CNBD2: variants seen among roughly 807,000 people sequenced by gnomAD.
CNBD2 encodes cyclic nucleotide binding domain containing 2.
CNBD2 carries 64 observed loss-of-function variants against 63.7 expected under a neutral mutation model. The observed-to-expected ratio is 1.00, with a 90% CI of 0.82 to 1.24. The LOEUF (loss-of-function observed/expected upper bound fraction) is 1.24. Ranked by LOEUF, CNBD2 falls within the 50% of genes most tolerant of loss-of-function variation. The pLI, the probability that CNBD2 is intolerant of heterozygous loss-of-function variation, is 0.00. For synonymous variants in CNBD2, 229 were observed against 255.4 expected (o/e 0.90, Z 0.99); for missense variants, 691 against 713.5 (o/e 0.97, Z 0.36).
At chr20:36,000,685 A>G (rs1412672174) in intron 8 of CNBD2, among the ~76,000 whole-genome samples, 1 of 150,028 alleles carries the variant, frequency 6.7e-6, no homozygotes, top group Non-Finnish European at 1.5e-5. Flanking sequence ...CAGCCTCACG[A>G]GTAGCTGGGA....
chr20:35,972,953 G>T (rs988440748), intron 2 of CNBD2, 187 bp downstream of exon 2: 2 of 624,164 alleles, frequency 3.2e-6, no homozygotes, highest in Non-Finnish European at 2.8e-6. Context: ...CAACCAAGAG[G>T]TTTACCTAAT....
chr20:36,011,503 G>T (rs2057061315), intron 10 of CNBD2, among the ~76,000 whole-genome samples: 1 of 152,064 alleles, frequency 6.6e-6, no homozygotes, highest in South Asian at 2.1e-4. Context: ...TGACCAACAT[G>T]GTGAAACCCT....
intron 2 of CNBD2, among the ~76,000 whole-genome samples, chr20:35,975,709 C>T (rs2147216759): frequency 6.6e-6 from 1 of 152,236 alleles, no homozygotes; most frequent in Non-Finnish European, 1.5e-5. Flanking sequence ...ATCCTCCTTT[C>T]CTTCTCCCCA....
intron 7 of CNBD2, among the ~76,000 whole-genome samples, chr20:35,991,642 T>C (rs1012039424): frequency 3.3e-5 from 5 of 152,204 alleles, no homozygotes; most frequent in Admixed American, 3.3e-4. Flanking sequence ...CAATATTTTC[T>C]TTAATCAGCA....
rs183979214 is a variant in CNBD2, at chr20:35,981,481, G to A, written c.407+859G>A. 4.3e-4 allele frequency among the ~76,000 whole-genome samples: 65 copies of A among 152,146 alleles called. 1 individual carries two copies. Among genetic ancestry groups the A allele is most frequent in the African/African-American group, 1.3e-3 (53 of 41,500 alleles). On this transcript the variant is annotated intron_variant, in intron 4 of 11. Transcript: ENST00000373973. ...AGATGGGTCTCGTCCTGTCAACCAG[G>A]CTGGAGTGCAGTGGTGTGATCACAG... is the stretch of plus-strand genomic sequence containing the variant.
chr20:36,005,251 G>A (rs1298594376), intron 8 of CNBD2, among the ~76,000 whole-genome samples: 2 of 152,130 alleles, frequency 1.3e-5, no homozygotes, highest in East Asian at 1.9e-4. Flanking sequence ...AGGTGGTAAC[G>A]CTTTTGGAAT....
chr20:36,029,130 C>T (rs1229300595), intron 11 of CNBD2, among the ~76,000 whole-genome samples: 1 of 152,082 alleles, frequency 6.6e-6, no homozygotes, highest in African/African-American at 2.4e-5. Flanking sequence ...CAGGAAGTGA[C>T]ATGGAGTCTT....
At position 36,012,301 on chromosome 20, in the gene CNBD2, C is replaced by CA. The variant is rs57982520; in HGVS notation, c.1269+1055dup. 1.9e-3 allele frequency among the ~76,000 whole-genome samples: 248 copies of CA among 129,104 alleles called. 3 individuals are homozygous for CA. The highest frequency in any genetic ancestry group is 3.4e-3 in the East Asian group (15 of 4,400). The allele number at this position is 129,104 out of a possible 152,430, so 84.7% of individuals were successfully genotyped here. On this transcript the variant is annotated intron_variant, in intron 10 of 11. Coordinates refer to ENST00000373973, the MANE Select transcript of CNBD2 (RefSeq NM_001365709.1). ...GGGGACAAGAGTGAAACTCCGTCTCCAAAAAAAAAAACCAAAACCCAAACC... is the reference window on the plus strand; with the variant it reads ...GGGGACAAGAGTGAAACTCCGTCTCCAAAAAAAAAAAACCAAAACCCAAACC...
chr20:36,009,424 G>C (rs529155624), intron 9 of CNBD2, among the ~76,000 whole-genome samples: 1 of 151,608 alleles, frequency 6.6e-6, no homozygotes, highest in Non-Finnish European at 1.5e-5. Context: ...GGATGGTCTC[G>C]GTCTCCTGAC....
chr20:35,991,170 T>C (rs1368418702), intron 7 of CNBD2, among the ~76,000 whole-genome samples: 1 of 152,194 alleles, frequency 6.6e-6, no homozygotes, highest in African/African-American at 2.4e-5. Flanking sequence ...CCAATCATGT[T>C]TGAGTTGCAA....
chr20:36,009,899 C>CTA (rs1488359136), intron 9 of CNBD2, among the ~76,000 whole-genome samples: 1 of 152,166 alleles, frequency 6.6e-6, no homozygotes. Context: ...TGTAACAACT[C>CTA]TACGAGTACT....
At chr20:35,969,710 C>G (rs1568848000) in intron 1 of CNBD2, among the ~76,000 whole-genome samples, 1 of 152,104 alleles carries the variant, frequency 6.6e-6, no homozygotes, top group Non-Finnish European at 1.5e-5. Context: ...CCCTTCGATC[C>G]CTACTAATGA....
intron 8 of CNBD2, among the ~76,000 whole-genome samples, chr20:36,002,301 G>T (rs1049515353): frequency 4.6e-5 from 7 of 152,258 alleles, no homozygotes; most frequent in Non-Finnish European, 7.3e-5. Context: ...GCAGGCTGAG[G>T]CAGGAGAATC....
intron 7 of CNBD2, among the ~76,000 whole-genome samples, chr20:35,994,056 T>G: frequency 6.6e-6 from 1 of 151,514 alleles, no homozygotes; most frequent in Non-Finnish European, 1.5e-5. Context: ...ATTTTGTTTT[T>G]TTTTGTTTGT....
downstream of CNBD2, chr20:35,959,598 A>G (rs1436306671): frequency 6.6e-6 from 1 of 152,200 alleles, no homozygotes; most frequent in Non-Finnish European, 1.5e-5. Flanking sequence ...TACCCCCATG[A>G]TTGAATTATC....
chr20:35,981,436 TTTA>T (rs1321481022), intron 4 of CNBD2, among the ~76,000 whole-genome samples: 1 of 152,038 alleles, frequency 6.6e-6, no homozygotes, highest in African/African-American at 2.4e-5. Flanking sequence ...CTTTATTCTT[TTTA>T]TTATTATTAT....
chr20:36,021,641 A>G (rs2057209697), intron 10 of CNBD2, among the ~76,000 whole-genome samples: 1 of 152,040 alleles, frequency 6.6e-6, no homozygotes. Context: ...TGGGGCCACT[A>G]ACCGTTCCTG....
At chr20:35,967,579 G>A (rs2056356981), upstream of CNBD2, among the ~76,000 whole-genome samples, 1 of 150,322 alleles carries the variant, frequency 6.7e-6, no homozygotes, top group African/African-American at 2.4e-5. Flanking sequence ...CTGGCCAGGA[G>A]TGGTGGTTTA....
chr20:35,995,142 C>A lies in CNBD2; in HGVS notation c.960C>A (p.Thr320=), dbSNP rs374920867. 212 of 1,612,588 alleles carry A rather than the reference C, an allele frequency of 1.3e-4. No individual in the cohort carries two copies. The highest frequency in any genetic ancestry group is 3.1e-4 in the East Asian group (14 of 44,874). ...TGATAGATGGCAGACCTCTGAAGAC[C>A]CACCTGAGTGGTAAGCTGCCTTGGC... ...LELIDGRPLK[T]HLSEYSPMER... is the part of the protein sequence containing the mutation. Residue 320 remains threonine (T), a synonymous_variant, in exon 8 of 12, where the codon ACC becomes ACA. Coordinates refer to ENST00000373973, the MANE Select transcript of CNBD2 (RefSeq NM_001365709.1).
Sources: gnomAD v4.1 joint callset for allele counts (sites outside exome capture counted in the v4.1 genomes callset) on GRCh38, gnomAD v4.1.1 for gene constraint, MANE v1.5 for transcripts, NCBI Gene and HGNC (gene_info 2026-07-23, HGNC 2026-07-21) for gene names.